KIF6: variants seen among roughly 807,000 people sequenced by gnomAD.
KIF6 encodes the protein kinesin-like protein KIF6.
KIF6 carries 106 observed loss-of-function variants against 112.7 expected under a neutral mutation model. The observed-to-expected ratio is 0.94, with a 90% CI of 0.80 to 1.11. KIF6 has a LOEUF of 1.11. Ranked by LOEUF, KIF6 falls within the 50% of genes least tolerant of loss-of-function variation. The probability of loss-of-function intolerance (pLI) is 0.00; values close to 1 mark genes in which losing one functional copy is unlikely to be tolerated. For synonymous variants in KIF6, 339 were observed against 339.9 expected, an observed-to-expected ratio of 1.00 and a Z score of 0.03; for missense variants, 929 against 964.0, an observed-to-expected ratio of 0.96 and a Z score of 0.48.
intron 3 of KIF6, among the ~76,000 whole-genome samples, chr6:39,676,150 GGATA>G (rs2113755446): frequency 6.6e-6 from 1 of 151,042 alleles, no homozygotes; most frequent in African/African-American, 2.4e-5. Context: ...GTTCCAACTG[GGATA>G]GATAAATAAA....
At chr6:39,452,495 G>C (rs1438629467) in intron 13 of KIF6, among the ~76,000 whole-genome samples, 1 of 152,212 alleles carries the variant, frequency 6.6e-6, no homozygotes, top group Non-Finnish European at 1.5e-5. Flanking sequence ...GAATGCAAGA[G>C]TGGGTAAGCT....
At chr6:39,346,086 C>CTCTCTCT (rs1326236666) in intron 20 of KIF6, among the ~76,000 whole-genome samples, 2,827 of 26,878 alleles carry the variant, frequency 0.11, 535 homozygotes, top group Non-Finnish European at 0.12. Context: ...CTCTCTCTCT[C>CTCTCTCT]CCCCCCCTCT....
In KIF6 at chr6:39,590,444, TATA is replaced by T. The variant is rs1232703525; in HGVS notation, c.847-4043_847-4041del. Among the ~76,000 whole-genome samples the T allele has an allele frequency of 2.4e-3, 308 of 126,802 alleles. 4 individuals are homozygous for T. The highest frequency in any genetic ancestry group is 9.4e-3 in the African/African-American group (292 of 31,048). 83.2% of individuals were successfully genotyped at this position (126,802 alleles called of 152,430 possible). On this transcript the variant is annotated intron_variant, in intron 7 of 22. Transcript: ENST00000287152. Reference sequence around the variant, plus strand: ...ATGTGTGTGTGTATATATATATATATATATATATTTTTTTTTTTTTTTTGAGAT... The same window carrying T: ...ATGTGTGTGTGTATATATATATATATTATATTTTTTTTTTTTTTTTGAGAT...
intron 10 of KIF6, chr6:39,554,867 A>G: frequency 5.0e-6 from 1 of 199,358 alleles, no homozygotes; most frequent in South Asian, 1.1e-4. Flanking sequence ...AGATCATGAG[A>G]TCATGGTTAC....
chr6:39,527,473 A>G (rs920514306), intron 13 of KIF6, among the ~76,000 whole-genome samples: 4 of 152,132 alleles, frequency 2.6e-5, no homozygotes, highest in Admixed American at 2.0e-4. Context: ...GAGCACAACT[A>G]TCACCATAGC....
In KIF6 at chr6:39,719,318, C is replaced by CA. The variant is rs199979186; in HGVS notation, c.176+1383dup. Among the ~76,000 whole-genome samples the CA allele has an allele frequency of 7.8e-3, 1,084 of 139,306 alleles. 40 individuals carry two copies. The East Asian group carries it at 0.12, about 15-fold the overall frequency. 91.4% of individuals were successfully genotyped at this position (139,306 alleles called of 152,430 possible). A position where few individuals can be genotyped will look rare whatever the true frequency, so the allele number is the denominator to read the frequency against. On this transcript the variant is annotated intron_variant, in intron 2 of 22. Coordinates refer to ENST00000287152, the MANE Select transcript of KIF6 (RefSeq NM_145027.6). ...TGGGCGACAGAGCAAAACTCTGTCTCAAAAAAAAGAAAAGAATTTAAAAAG... is the reference window on the plus strand; with the variant it reads ...TGGGCGACAGAGCAAAACTCTGTCTCAAAAAAAAAGAAAAGAATTTAAAAAG...
Position 39,457,157 on chromosome 6 carries a change from T to A in KIF6, c.1646-25996A>T, listed in dbSNP as rs1411659656. ...TCAGCAAATGTAAAAGAACAGAAATTATAACAAACTATCTCTCAGACCACA... is the reference window on the plus strand; with the variant it reads ...TCAGCAAATGTAAAAGAACAGAAATAATAACAAACTATCTCTCAGACCACA... On this transcript the variant is annotated intron_variant, in intron 13 of 22. Transcript: ENST00000287152. Among the ~76,000 whole-genome samples the A allele has an allele frequency of 9.0e-3, 1,368 of 151,226 alleles. 15 individuals are homozygous for A. Among genetic ancestry groups the A allele is most frequent in the Middle Eastern group, 0.041 (12 of 292 alleles).
chr6:39,563,101 T>C (rs1780095474), intron 10 of KIF6, among the ~76,000 whole-genome samples: 1 of 151,984 alleles, frequency 6.6e-6, no homozygotes, highest in African/African-American at 2.4e-5. Flanking sequence ...ATAAGCCAGG[T>C]GCAGGGGTGC....
At chr6:39,701,417 C>T (rs536822232) in intron 3 of KIF6, among the ~76,000 whole-genome samples, 4 of 152,340 alleles carry the variant, frequency 2.6e-5, no homozygotes, top group South Asian at 2.1e-4. Context: ...GTGTATACAG[C>T]GGGCCAAATG....
At chr6:39,595,341 G>C (rs1782194537) in intron 7 of KIF6, among the ~76,000 whole-genome samples, 1 of 152,198 alleles carries the variant, frequency 6.6e-6, no homozygotes, top group East Asian at 1.9e-4. Context: ...AGTAAATCTA[G>C]GTTCTAATCT....
At chr6:39,469,845 C>T (rs1212915983) in intron 13 of KIF6, among the ~76,000 whole-genome samples, 1 of 152,000 alleles carries the variant, frequency 6.6e-6, no homozygotes, top group African/African-American at 2.4e-5. Context: ...ACAGATGATT[C>T]AACAATAATA....
intron 5 of KIF6, among the ~76,000 whole-genome samples, chr6:39,632,884 T>A (rs1784433306): frequency 6.6e-6 from 1 of 152,038 alleles, no homozygotes; most frequent in Non-Finnish European, 1.5e-5. Flanking sequence ...CCTCCCAAAG[T>A]GCTGGGATTA....
intron 15 of KIF6, among the ~76,000 whole-genome samples, chr6:39,400,740 C>T (rs1257905771): frequency 6.6e-6 from 1 of 152,194 alleles, no homozygotes; most frequent in African/African-American, 2.4e-5. Context: ...ACAGATCTGA[C>T]CCCTTCTCCA....
intron 13 of KIF6, among the ~76,000 whole-genome samples, chr6:39,514,048 C>T (rs1235310190): frequency 6.6e-6 from 1 of 152,108 alleles, no homozygotes; most frequent in African/African-American, 2.4e-5. Flanking sequence ...TATTTGTTAG[C>T]TTTTTACAAT....
chr6:39,712,628 G>T (rs1017417672), intron 3 of KIF6, among the ~76,000 whole-genome samples: 1 of 152,130 alleles, frequency 6.6e-6, no homozygotes, highest in Non-Finnish European at 1.5e-5. Flanking sequence ...ACTTTGGGAG[G>T]CCGAGGTGGG....
chr6:39,558,298 C>T (rs1300837771), intron 10 of KIF6, among the ~76,000 whole-genome samples: 1 of 152,028 alleles, frequency 6.6e-6, no homozygotes, highest in Non-Finnish European at 1.5e-5. Context: ...ACTATTTCTG[C>T]ATTTGTTTAT....
intron 10 of KIF6, among the ~76,000 whole-genome samples, chr6:39,555,970 A>AAT (rs1284444427): frequency 6.6e-6 from 1 of 151,698 alleles, no homozygotes; most frequent in East Asian, 1.9e-4. Flanking sequence ...AAAAAAAAAA[A>AAT]AAAAGAAGAT....
chr6:39,570,408 C>T (rs1780579777), intron 10 of KIF6, among the ~76,000 whole-genome samples: 1 of 152,156 alleles, frequency 6.6e-6, no homozygotes, highest in Middle Eastern at 3.2e-3. Flanking sequence ...TATCCAGTGA[C>T]TGGAATATTT....
intron 15 of KIF6, among the ~76,000 whole-genome samples, chr6:39,418,062 C>CA (rs1304205839): frequency 1.8e-4 from 2 of 11,206 alleles, no homozygotes; most frequent in Non-Finnish European, 1.1e-3. Flanking sequence ...GACTGGGATG[C>CA]CCCCCAGCAG....
Sources: gnomAD v4.1 joint callset for allele counts (sites outside exome capture counted in the v4.1 genomes callset) on GRCh38, gnomAD v4.1.1 for gene constraint, MANE v1.5 for transcripts, NCBI Gene and HGNC (gene_info 2026-07-23, HGNC 2026-07-21) for gene names.